The following TRAP1 variants were observed in gnomAD, a reference collection of about 807,000 sequenced individuals.
The protein encoded by TRAP1 is TNF receptor associated protein 1, also known as heat shock protein 75 kDa, mitochondrial.
In TRAP1, 102 loss-of-function variants were observed where a neutral mutation model predicts 89.1. The observed-to-expected ratio is 1.15, with a 90% confidence interval of 0.98 to 1.35. The LOEUF is 1.35. Among genes scored for constraint, TRAP1 ranks in the 40% most tolerant of loss-of-function variants. The pLI is 0.00. For synonymous variants in TRAP1, 508 were observed against 388.0 expected, an observed-to-expected ratio of 1.31 and a Z score of -3.64; for missense variants, 1,256 against 945.3, an observed-to-expected ratio of 1.33 and a Z score of -4.31.
In TRAP1 at chr16:3,689,043, C is replaced by T. The variant is rs759278835; in HGVS notation, c.330+12G>A. 6.2e-7 allele frequency: 1 copy of T among 1,606,028 alleles called. No individual in the cohort carries two copies. ...CTTTGCTAGCATCGGGCATGGTTAG[C>T]AGGGAACGCACCTCTTTTTCTGAGT... is the stretch of plus-strand genomic sequence containing the variant. On this transcript the variant is annotated intron_variant, in intron 3 of 17. Transcript: ENST00000246957.
chr16:3,683,833 T>A (rs1596724982), intron 4 of TRAP1, among the ~76,000 whole-genome samples: 1 of 149,512 alleles, frequency 6.7e-6, no homozygotes, highest in African/African-American at 2.5e-5. Flanking sequence ...TAGACAGAAA[T>A]CATCTGTTGC....
At chr16:3,673,140 GC>G (rs1458306023) in intron 9 of TRAP1, among the ~76,000 whole-genome samples, 1 of 152,202 alleles carries the variant, frequency 6.6e-6, no homozygotes, top group Non-Finnish European at 1.5e-5. Context: ...TCAGCAAAGA[GC>G]CCTCCGACCA....
At chr16:3,679,309 A>C (rs950133231) in intron 5 of TRAP1, among the ~76,000 whole-genome samples, 2 of 152,188 alleles carry the variant, frequency 1.3e-5, no homozygotes, top group South Asian at 2.1e-4. Flanking sequence ...GAAAATACTC[A>C]GAAAAAAAAT....
chr16:3,663,386 G>T (rs1231866548), intron 14 of TRAP1, 38 bp downstream of exon 14: 5 of 1,612,430 alleles, frequency 3.1e-6, no homozygotes, highest in Non-Finnish European at 4.2e-6. Flanking sequence ...GCGGGGAGTG[G>T]AAACCAGCCC....
At position 3,704,421 on chromosome 16, in the gene TRAP1, C is replaced by T. The variant is rs139813172; in HGVS notation, c.88+13000G>A. 7.2e-5 allele frequency: 11 copies of T among 152,286 alleles called. No homozygotes were observed. The East Asian group carries it at 1.9e-3, about 27-fold the overall frequency. 9.4% of individuals were successfully genotyped at this position (152,286 alleles called of 1,614,324 possible). A position where few individuals can be genotyped will look rare whatever the true frequency, so the allele number is the denominator to read the frequency against. ...AAACACATTTACAAAATTTCAAACA[C>T]ATTTTTAAACTATTCTCATTCTAAA... On this transcript the variant is annotated intron_variant, in intron 1 of 17. Transcript: ENST00000246957.
Position 3,662,010 on chromosome 16 carries a change from C to T in TRAP1, c.1917G>A (p.Gln639=). 6.2e-7 allele frequency: 1 copy of T among 1,610,930 alleles called. No homozygotes were observed. Among genetic ancestry groups the T allele is most frequent in the South Asian group, 1.1e-5 (1 of 90,932 alleles). ...ACCTGGGGTTGATCTCCAGCGTGGG[C>T]TGCAGGAGCTGTGCGCGCTCCTCCT... The part of the protein sequence containing the change: ...KTQEERAQLL[Q]PTLEINPRHA... The change falls in exon 16 of 18, where the codon CAG becomes CAA. Residue 639 remains glutamine, a synonymous_variant. Coordinates refer to ENST00000246957, the MANE Select transcript of TRAP1 (RefSeq NM_016292.3).
chr16:3,681,649 T>G (rs1233020725), intron 4 of TRAP1, among the ~76,000 whole-genome samples: 1 of 152,220 alleles, frequency 6.6e-6, no homozygotes, highest in Non-Finnish European at 1.5e-5. Context: ...ATCTAGTTGA[T>G]ATCAGTCATT....
chr16:3,688,340 C>T (rs569228844), intron 3 of TRAP1, among the ~76,000 whole-genome samples: 1 of 152,238 alleles, frequency 6.6e-6, no homozygotes, highest in East Asian at 1.9e-4. Context: ...CCTCCCTGCT[C>T]CATACACACA....
At position 3,658,798 on chromosome 16, in the gene TRAP1, C is replaced by A; in HGVS notation, c.2008G>T (p.Asp670Tyr). 6.2e-7 allele frequency: 1 copy of A among 1,613,676 alleles called. No individual in the cohort carries two copies. The highest frequency in any genetic ancestry group is 8.5e-7 in the Non-Finnish European group (1 of 1,179,922). Residue 670 changes from aspartate to tyrosine, a missense_variant, in exon 17 of 18, where the codon GAT (aspartate) becomes TAT (tyrosine). Transcript: ENST00000246957. ...SEPGLAQLLVDQIYENAMIAA... is the reference protein window; with the variant it reads ...SEPGLAQLLVYQIYENAMIAA... ...TCCTAAGCTGCTGCACTCACCTGAT[C>A]CACCAGCAGCTGAGCCAGGCCAGGC...
At chr16:3,709,880 C>T (rs1567247790) in intron 1 of TRAP1, among the ~76,000 whole-genome samples, 1 of 152,178 alleles carries the variant, frequency 6.6e-6, no homozygotes, top group Admixed American at 6.5e-5. Context: ...AAACTCCTAA[C>T]CTCAGGTGAT....
chr16:3,693,563 A>C (rs2051245528), intron 1 of TRAP1, among the ~76,000 whole-genome samples: 1 of 152,194 alleles, frequency 6.6e-6, no homozygotes, highest in Non-Finnish European at 1.5e-5. Flanking sequence ...ACACCTGCCC[A>C]CAGAGCATAT....
chr16:3,697,384 G>A (rs111432642), intron 1 of TRAP1, among the ~76,000 whole-genome samples: 2,630 of 151,850 alleles, frequency 0.017, 65 homozygotes, highest in African/African-American at 0.054. Context: ...GAAATTAGTC[G>A]CCAGGAGCGG....
rs983493533 is a variant in TRAP1, at chr16:3,664,062, C to CA, written c.1569+211dup. Reference sequence around the variant, plus strand: ...TGGGCGAGAGAGCAAGACTCCATCTCAAAAAAACAAAAAACAAACAAAAAA... The same window carrying CA: ...TGGGCGAGAGAGCAAGACTCCATCTCAAAAAAAACAAAAAACAAACAAAAAA... On this transcript the variant is annotated intron_variant, in intron 13 of 17. Transcript: ENST00000246957. The CA allele has an allele frequency of 9.4e-5, 51 of 541,858 alleles. No individual in the cohort carries two copies. In the South Asian group the frequency reaches 1.0e-3, roughly 11 times the overall value. The allele number at this position is 541,858 out of a possible 1,614,324, so 33.6% of individuals were successfully genotyped here.
chr16:3,690,965 G>A lies in TRAP1; in HGVS notation c.109C>T (p.Arg37Trp), dbSNP rs140670575. 8.1e-5 allele frequency: 124 copies of A among 1,536,052 alleles called. No homozygotes were observed. The highest frequency in any genetic ancestry group is 1.6e-4 in the African/African-American group (11 of 70,940). ...GGGCCCAACTGGGCTGTGGTCCTCC[G>A]AGGACACAGAATTGGTTTTCCTGAA... is the stretch of plus-strand genomic sequence containing the variant. Reference protein sequence around the residue: ...VPGGKPILCPRRTTAQLGPRR... With the variant: ...VPGGKPILCPWRTTAQLGPRR... Residue 37 changes from arginine (R) to tryptophan (W), a missense_variant, in exon 2 of 18, where the codon CGG becomes TGG. Physicochemically the swap from Arg to Trp is moderately radical, Grantham distance 101. Coordinates refer to ENST00000246957, the MANE Select transcript of TRAP1 (RefSeq NM_016292.3).
At chr16:3,698,839 T>G (rs1341719023) in intron 1 of TRAP1, among the ~76,000 whole-genome samples, 1 of 151,420 alleles carries the variant, frequency 6.6e-6, no homozygotes, top group Non-Finnish European at 1.5e-5. Context: ...TGAGCCAAGA[T>G]CACGCCACTG....
chr16:3,703,754 G>GC (rs1479866715), intron 1 of TRAP1, among the ~76,000 whole-genome samples: 1 of 152,010 alleles, frequency 6.6e-6, no homozygotes, highest in East Asian at 1.9e-4. Context: ...GGTGGCTTAC[G>GC]CCTGTAATCC....
chr16:3,709,897 G>GC (rs1351579406), intron 1 of TRAP1, among the ~76,000 whole-genome samples: 1 of 152,282 alleles, frequency 6.6e-6, no homozygotes, highest in East Asian at 1.9e-4. Context: ...TGATCCACCC[G>GC]CCTCAGCCTG....
intron 11 of TRAP1, among the ~76,000 whole-genome samples, chr16:3,666,695 TACATGTACATA>T (rs2050836313): frequency 6.6e-6 from 1 of 152,170 alleles, no homozygotes; most frequent in Admixed American, 6.5e-5. Flanking sequence ...ATGCACATTC[TACATGTACATA>T]ACAATTTTCC....
chr16:3,686,763 G>A (rs962194314), intron 3 of TRAP1, among the ~76,000 whole-genome samples: 5 of 152,128 alleles, frequency 3.3e-5, no homozygotes, highest in African/African-American at 1.2e-4. Flanking sequence ...TTGAGGTCAG[G>A]AGCTCAAGAC....
Sources: allele counts gnomAD v4.1 joint callset (sites outside exome capture counted in the v4.1 genomes callset), GRCh38; gene constraint gnomAD v4.1.1; transcripts MANE v1.5; gene names NCBI Gene and HGNC (gene_info 2026-07-23, HGNC 2026-07-21).